FRMD6: variants seen among roughly 807,000 people sequenced by gnomAD.
FRMD6 encodes the protein FERM domain-containing protein 6.
In FRMD6, 37 loss-of-function variants were observed where a neutral mutation model predicts 73.2. That is an observed-to-expected ratio of 0.51 (90% CI 0.39 to 0.66). FRMD6 has a LOEUF of 0.66. Among genes scored for constraint, FRMD6 ranks in the 30% least tolerant of loss-of-function variants. FRMD6 has a pLI of 0.00. For synonymous variants in FRMD6, 273 were observed against 282.2 expected (o/e 0.97, Z 0.33); for missense variants, 714 against 780.5 (o/e 0.91, Z 1.02).
At chr14:51,412,726 C>A in the FRMD6 span, among the ~76,000 whole-genome samples, 1 of 151,834 alleles carries the variant, frequency 6.6e-6, no homozygotes, top group African/African-American at 2.4e-5. Context: ...GTGGTGGGCA[C>A]CTGTAGTCCC....
Position 51,728,784 on chromosome 14 carries a change from C to T in FRMD6, c.*755C>T, listed in dbSNP as rs917120798. 1.3e-5 allele frequency: 2 copies of T among 152,570 alleles called. No individual in the cohort carries two copies. Among genetic ancestry groups the T allele is most frequent in the African/African-American group, 4.8e-5 (2 of 41,442 alleles). 9.5% of individuals were successfully genotyped at this position (152,570 alleles called of 1,614,324 possible). A position where few individuals can be genotyped will look rare whatever the true frequency, so the allele number is the denominator to read the frequency against. ...GTTGTAATGCATTTTGTGGAGTTTA[C>T]AAAACCAGTGTCTGTTAAAACTTTG... On this transcript the variant is annotated 3_prime_UTR_variant, in exon 14 of 14. Coordinates refer to ENST00000344768, the MANE Select transcript of FRMD6 (RefSeq NM_001267046.2).
chr14:51,554,387 A>G (rs1221533174), intron 1 of FRMD6, among the ~76,000 whole-genome samples: 1 of 152,188 alleles, frequency 6.6e-6, no homozygotes, highest in Non-Finnish European at 1.5e-5. Flanking sequence ...TCCTTAATTG[A>G]GGCTGTGTAT....
chr14:51,534,190 C>T (rs1018399735), intron 1 of FRMD6, among the ~76,000 whole-genome samples: 1 of 152,192 alleles, frequency 6.6e-6, no homozygotes, highest in Non-Finnish European at 1.5e-5. Flanking sequence ...GATCTCAATT[C>T]ATTCTAAAGT....
chr14:51,515,988 G>T (rs1884615360), intron 1 of FRMD6, among the ~76,000 whole-genome samples: 1 of 152,094 alleles, frequency 6.6e-6, no homozygotes. Flanking sequence ...CCAGAAGGAG[G>T]CACTTTCTAA....
intron 1 of FRMD6, among the ~76,000 whole-genome samples, chr14:51,569,879 G>A (rs547546193): frequency 6.6e-6 from 1 of 151,052 alleles, no homozygotes. Context: ...GCAGTGGCGC[G>A]ATCTCGGCTC....
intron 1 of FRMD6, among the ~76,000 whole-genome samples, chr14:51,555,336 T>C (rs1887067642): frequency 6.6e-6 from 1 of 152,240 alleles, no homozygotes; most frequent in South Asian, 2.1e-4. Flanking sequence ...TCAGTTTGTC[T>C]GTACCAAATT....
chr14:51,529,524 G>A (rs1184255070), intron 1 of FRMD6, among the ~76,000 whole-genome samples: 1 of 152,124 alleles, frequency 6.6e-6, no homozygotes, highest in East Asian at 1.9e-4. Flanking sequence ...TGCTGGCCAG[G>A]CATTTTATCA....
chr14:51,579,322 T>G (rs1206406926), intron 2 of FRMD6: 2 of 152,186 alleles, frequency 1.3e-5, no homozygotes, highest in African/African-American at 2.4e-5. Flanking sequence ...AAGATGGTTT[T>G]TATAATATTG....
At chr14:51,429,351 A>C in the FRMD6 span, among the ~76,000 whole-genome samples, 3 of 152,326 alleles carry the variant, frequency 2.0e-5, no homozygotes, top group East Asian at 1.9e-4. Context: ...GTAGATAATC[A>C]GAACTCTCCC....
At chr14:51,676,283 A>G (rs1054835266) in intron 1 of FRMD6, among the ~76,000 whole-genome samples, 114 of 152,160 alleles carry the variant, frequency 7.5e-4, no homozygotes, top group African/African-American at 2.7e-3. Flanking sequence ...ATTTGATTGC[A>G]CTTTGTTACA....
chr14:51,669,375 G>A (rs1227333283), intron 1 of FRMD6, among the ~76,000 whole-genome samples: 2 of 152,102 alleles, frequency 1.3e-5, no homozygotes, highest in African/African-American at 2.4e-5. Flanking sequence ...AGTCTTGGGG[G>A]ACATAGCTTT....
intron 5 of FRMD6, among the ~76,000 whole-genome samples, chr14:51,703,946 A>G (rs1160171199): frequency 2.0e-5 from 3 of 152,100 alleles, no homozygotes; most frequent in Non-Finnish European, 2.9e-5. Context: ...TTGCCAGTAA[A>G]TATTTTTTGG....
At chr14:51,474,798 C>G in the FRMD6 span, among the ~76,000 whole-genome samples, 1 of 152,168 alleles carries the variant, frequency 6.6e-6, no homozygotes, top group African/African-American at 2.4e-5. Context: ...AAAAATGATA[C>G]AGAATGTTTT....
chr14:51,713,382 C>T lies in FRMD6; in HGVS notation c.849+831C>T, dbSNP rs180996199. On this transcript the variant is annotated intron_variant, in intron 9 of 13. Transcript: ENST00000344768. The stretch of plus-strand genomic sequence containing the variant: ...CTGAGGCATGGGAATCTCTTGAACC[C>T]GAGAGGCGATGGTTGCCATGAGCCA... Among the ~76,000 whole-genome samples, 14 of 150,996 alleles carry T rather than the reference C, an allele frequency of 9.3e-5. No homozygotes were observed. The East Asian group carries it at 9.8e-4, about 11-fold the overall frequency.
the FRMD6 span, among the ~76,000 whole-genome samples, chr14:51,425,597 A>C: frequency 6.6e-6 from 1 of 152,106 alleles, no homozygotes; most frequent in Non-Finnish European, 1.5e-5. Flanking sequence ...TTCAGGTCTC[A>C]GGGTCTTTTC....
intron 13 of FRMD6, 123 bp downstream of exon 13, chr14:51,725,993 A>G (rs1419252296): frequency 1.6e-6 from 1 of 613,076 alleles, no homozygotes; most frequent in Non-Finnish European, 2.9e-6. Flanking sequence ...CTTCCTAGAT[A>G]CGTACATTCT....
At chr14:51,690,153 C>CT (rs1895447246) in intron 2 of FRMD6, among the ~76,000 whole-genome samples, 1 of 152,080 alleles carries the variant, frequency 6.6e-6, no homozygotes, top group Non-Finnish European at 1.5e-5. Context: ...AATTAGAGGA[C>CT]TATGGTTACT....
At chr14:51,702,738 T>G (rs1716326813) in intron 5 of FRMD6, 150 bp downstream of exon 5, 1 of 589,138 alleles carries the variant, frequency 1.7e-6, no homozygotes, top group Non-Finnish European at 3.0e-6. Context: ...TTTAATATTT[T>G]GTACGCTGGT....
At chr14:51,396,465 G>T in the FRMD6 span, among the ~76,000 whole-genome samples, 1 of 152,136 alleles carries the variant, frequency 6.6e-6, no homozygotes, top group African/African-American at 2.4e-5. Flanking sequence ...CCTGCAAGAG[G>T]TCTTGTACTG....
Sources: allele counts gnomAD v4.1 joint callset (sites outside exome capture counted in the v4.1 genomes callset), GRCh38; gene constraint gnomAD v4.1.1; transcripts MANE v1.5; gene names NCBI Gene and HGNC (gene_info 2026-07-23, HGNC 2026-07-21).